The following ASPH variants were observed in gnomAD, a reference collection of about 807,000 sequenced individuals.
The protein encoded by ASPH is aspartyl/asparaginyl beta-hydroxylase.
Under a neutral mutation model 118.4 loss-of-function variants are expected in ASPH, and 100 were observed. The observed-to-expected ratio is 0.84, with a 90% CI of 0.72 to 1.00. ASPH has a LOEUF of 1.00. ASPH is among the 50% of genes least tolerant of loss of function. The pLI is 0.00. For synonymous variants in ASPH, 315 were observed against 325.6 expected, an observed-to-expected ratio of 0.97 and a Z score of 0.35; for missense variants, 920 against 919.5, an observed-to-expected ratio of 1.00 and a Z score of -0.01.
At chr8:61,593,044 T>C (rs971091187) in intron 14 of ASPH, among the ~76,000 whole-genome samples, 10 of 152,186 alleles carry the variant, frequency 6.6e-5, no homozygotes, top group Admixed American at 2.0e-4. Context: ...CGCCCTCAGT[T>C]ATTTTCTCTT....
At chr8:61,665,041 T>C in intron 3 of ASPH, 4 of 1,298,442 alleles carry the variant, frequency 3.1e-6, no homozygotes, top group Non-Finnish European at 3.9e-6. Flanking sequence ...TTACATCATA[T>C]TCTATGACAT....
chr8:61,658,879 TAAAC>T (rs1040276636), intron 3 of ASPH: 24 of 152,328 alleles, frequency 1.6e-4, no homozygotes, highest in Admixed American at 1.4e-3. Flanking sequence ...CACCATTCAA[TAAAC>T]AAACAATGAA....
intron 3 of ASPH, chr8:61,663,071 T>G (rs373464566): frequency 9.1e-6 from 9 of 985,292 alleles, no homozygotes; most frequent in African/African-American, 5.2e-5. Flanking sequence ...ATTTTGTACA[T>G]AAGTTTTAAA....
At chr8:61,662,964 G>A in intron 3 of ASPH, 15 of 985,162 alleles carry the variant, frequency 1.5e-5, no homozygotes, top group Non-Finnish European at 1.7e-5. Flanking sequence ...TAAAAACTAA[G>A]GTAAAAATTA....
intron 14 of ASPH, among the ~76,000 whole-genome samples, chr8:61,591,761 C>T (rs1213207780): frequency 1.3e-5 from 2 of 152,178 alleles, no homozygotes; most frequent in South Asian, 2.1e-4. Flanking sequence ...ACTGAAGCTT[C>T]GGGTTCTCTC....
intron 1 of ASPH, among the ~76,000 whole-genome samples, chr8:61,708,431 C>T (rs1368735990): frequency 6.6e-6 from 1 of 152,072 alleles, no homozygotes; most frequent in African/African-American, 2.4e-5. Context: ...ATTAAGTGTC[C>T]TAAATAAAAT....
intron 14 of ASPH, among the ~76,000 whole-genome samples, chr8:61,592,506 A>T (rs1311740262): frequency 1.3e-5 from 2 of 152,226 alleles, no homozygotes; most frequent in African/African-American, 4.8e-5. Flanking sequence ...AAACTCTAGT[A>T]TGTGTTTTTA....
intron 17 of ASPH, among the ~76,000 whole-genome samples, chr8:61,564,105 T>A (rs1395299355): frequency 6.6e-6 from 1 of 152,064 alleles, no homozygotes; most frequent in African/African-American, 2.4e-5. Flanking sequence ...AGAGTTAGAT[T>A]TCAGAGGATG....
At chr8:61,670,305 G>GA (rs571232884) in intron 3 of ASPH, among the ~76,000 whole-genome samples, 2,190 of 147,344 alleles carry the variant, frequency 0.015, 26 homozygotes, top group Non-Finnish European at 0.023. Flanking sequence ...GTGTTTGTTT[G>GA]TTTTTTTTTT....
At chr8:61,555,807 C>A in intron 19 of ASPH, 117 bp downstream of exon 19, 1 of 858,270 alleles carries the variant, frequency 1.2e-6, no homozygotes, top group East Asian at 2.7e-5. Flanking sequence ...GGGTGGACAT[C>A]CTGAGGATGA....
chr8:61,522,196 T>C (rs765157831), intron 22 of ASPH, among the ~76,000 whole-genome samples: 4 of 152,332 alleles, frequency 2.6e-5, no homozygotes, highest in Middle Eastern at 3.4e-3. Context: ...GGTTTTTTCC[T>C]TCAACTCTAA....
At chr8:61,691,261 T>G (rs1832567620) in intron 1 of ASPH, among the ~76,000 whole-genome samples, 1 of 152,158 alleles carries the variant, frequency 6.6e-6, no homozygotes, top group African/African-American at 2.4e-5. Context: ...GATAAAGCCT[T>G]AAGAGGTTGG....
At chr8:61,579,021 G>A (rs533068186) in intron 15 of ASPH, 475 of 1,610,528 alleles carry the variant, frequency 2.9e-4, no homozygotes, top group Non-Finnish European at 3.8e-4. Flanking sequence ...GGCACAGTAC[G>A]AGGATATTGC....
Position 61,503,283 on chromosome 8 carries a change from C to A in ASPH, c.*76G>T. 6.7e-7 allele frequency: 1 copy of A among 1,486,230 alleles called. No individual in the cohort carries two copies. The highest frequency in any genetic ancestry group is 9.0e-7 in the Non-Finnish European group (1 of 1,110,558). 92.1% of individuals were successfully genotyped at this position (1,486,230 alleles called of 1,614,324 possible). Reference sequence around the variant, plus strand: ...GAATTGACTCTTGGTGTTCGAAATTCTATCCTCACACCCAAGGAGATGGAA... The same window carrying A: ...GAATTGACTCTTGGTGTTCGAAATTATATCCTCACACCCAAGGAGATGGAA... On this transcript the variant is annotated 3_prime_UTR_variant, in exon 25 of 25. Coordinates refer to ENST00000379454, the MANE Select transcript of ASPH (RefSeq NM_004318.4).
intron 14 of ASPH, among the ~76,000 whole-genome samples, chr8:61,607,728 G>A (rs1654560086): frequency 6.6e-6 from 1 of 152,172 alleles, no homozygotes; most frequent in Non-Finnish European, 1.5e-5. Flanking sequence ...GCACAGCTAA[G>A]TCCCTTTGCA....
chr8:61,708,144 C>A (rs1837173095), intron 1 of ASPH, among the ~76,000 whole-genome samples: 2 of 152,144 alleles, frequency 1.3e-5, no homozygotes, highest in African/African-American at 4.8e-5. Flanking sequence ...ACATGGGCAT[C>A]CACTGCATTA....
intron 17 of ASPH, among the ~76,000 whole-genome samples, chr8:61,564,172 T>C (rs1830861022): frequency 6.6e-6 from 1 of 151,844 alleles, no homozygotes; most frequent in Non-Finnish European, 1.5e-5. Flanking sequence ...TTTTAAAAAA[T>C]CAATATTAAT....
At chr8:61,598,491 G>T (rs1843043589) in intron 14 of ASPH, among the ~76,000 whole-genome samples, 1 of 152,100 alleles carries the variant, frequency 6.6e-6, no homozygotes, top group South Asian at 2.1e-4. Context: ...GATATATAAA[G>T]CAAATATTAT....
intron 14 of ASPH, among the ~76,000 whole-genome samples, chr8:61,605,511 G>A (rs1845302853): frequency 6.6e-6 from 1 of 152,130 alleles, no homozygotes; most frequent in African/African-American, 2.4e-5. Flanking sequence ...AATAAGAATT[G>A]GTAAAGCTGA....
Sources: gnomAD v4.1 joint callset for allele counts (sites outside exome capture counted in the v4.1 genomes callset) on GRCh38, gnomAD v4.1.1 for gene constraint, MANE v1.5 for transcripts, NCBI Gene and HGNC (gene_info 2026-07-23, HGNC 2026-07-21) for gene names.